ZZEF1: variants seen among roughly 807,000 people sequenced by gnomAD.
ZZEF1 encodes zinc finger ZZ-type and EF-hand domain containing 1, also known as zinc finger ZZ-type and EF-hand domain-containing protein 1.
Under a neutral mutation model 342.8 loss-of-function variants are expected in ZZEF1, and 157 were observed. That is an observed-to-expected ratio of 0.46 (90% CI 0.40 to 0.52). ZZEF1 has a LOEUF of 0.52. Ranked by LOEUF, ZZEF1 falls within the 20% of genes least tolerant of loss-of-function variation. The pLI, the probability that ZZEF1 is intolerant of heterozygous loss-of-function variation, is 0.00. For missense variants in ZZEF1, 3,480 were observed against 3,725.6 expected, an observed-to-expected ratio of 0.93 and a Z score of 1.72; for synonymous variants, 1,505 against 1,429.1, an observed-to-expected ratio of 1.05 and a Z score of -1.20.
At chr17:4,120,146 A>T (rs552075320) in intron 2 of ZZEF1, among the ~76,000 whole-genome samples, 1 of 152,198 alleles carries the variant, frequency 6.6e-6, no homozygotes, top group African/African-American at 2.4e-5. Flanking sequence ...TCACGAGGTC[A>T]GGAGTTCCAA....
At chr17:4,013,403 G>A in intron 52 of ZZEF1, 46 bp downstream of exon 52, 1 of 1,517,630 alleles carries the variant, frequency 6.6e-7, no homozygotes, top group Non-Finnish European at 8.9e-7. Flanking sequence ...CACAGAGTGG[G>A]GATACATATG....
chr17:4,047,188 C>T (rs781855), intron 37 of ZZEF1, among the ~76,000 whole-genome samples: 10,477 of 152,194 alleles, frequency 0.069, 1,189 homozygotes, highest in African/African-American at 0.24. Context: ...GGAAAAAGTC[C>T]CATTTCAATC....
Position 4,077,196 on chromosome 17 carries a change from AT to A in ZZEF1, c.2990-208del, listed in dbSNP as rs72386625. ...CAGTACAAGACTCACTTTTAAAGGG[AT>A]TTTTTTTTGTCTTTTGATGAAGTAG... On this transcript the variant is annotated intron_variant, in intron 19 of 54. Transcript: ENST00000381638. Among the ~76,000 whole-genome samples, 84 of 151,502 alleles carry A rather than the reference AT, an allele frequency of 5.5e-4. 1 individual carries two copies. In the East Asian group the frequency reaches 0.014, roughly 24 times the overall value.
At chr17:4,010,869 C>A (rs983465398) in intron 52 of ZZEF1, among the ~76,000 whole-genome samples, 5 of 152,086 alleles carry the variant, frequency 3.3e-5, no homozygotes, top group Admixed American at 6.6e-5. Context: ...AAGATGCCAC[C>A]AGCAGTTGAC....
chr17:4,051,903 G>A, intron 35 of ZZEF1, 68 bp downstream of exon 35: 1 of 1,505,280 alleles, frequency 6.6e-7, no homozygotes. Context: ...AAAAAAGAAA[G>A]AAGTCCCTTT....
chr17:4,012,013 A>C (rs1210710600), intron 52 of ZZEF1, among the ~76,000 whole-genome samples: 1 of 152,230 alleles, frequency 6.6e-6, no homozygotes, highest in Non-Finnish European at 1.5e-5. Flanking sequence ...GCATGCTGGG[A>C]GTTCCCTCCG....
At chr17:4,060,754 TCA>T (rs2057270630) in intron 30 of ZZEF1, among the ~76,000 whole-genome samples, 1 of 151,892 alleles carries the variant, frequency 6.6e-6, no homozygotes, top group African/African-American at 2.4e-5. Flanking sequence ...AAAGTAACAA[TCA>T]CATAGGAATT....
chr17:4,131,590 G>T (rs1009828594), intron 1 of ZZEF1, among the ~76,000 whole-genome samples: 3 of 151,934 alleles, frequency 2.0e-5, no homozygotes, highest in Non-Finnish European at 4.4e-5. Flanking sequence ...ACCAGTGTGA[G>T]CGATGTGGCA....
At chr17:4,140,366 G>A (rs2058823446) in intron 1 of ZZEF1, among the ~76,000 whole-genome samples, 1 of 152,152 alleles carries the variant, frequency 6.6e-6, no homozygotes, top group South Asian at 2.1e-4. Flanking sequence ...TCACCTGTGG[G>A]CTGAAATGTT....
intron 11 of ZZEF1, 83 bp from the exon 12 acceptor site, chr17:4,090,913 T>C (rs2057931074): frequency 3.9e-6 from 4 of 1,022,156 alleles, no homozygotes; most frequent in Middle Eastern, 2.0e-4. Flanking sequence ...CTAAGTGACA[T>C]GTAACTTGTA....
chr17:4,046,185 T>C (rs920273146), intron 37 of ZZEF1, among the ~76,000 whole-genome samples: 4 of 152,206 alleles, frequency 2.6e-5, no homozygotes, highest in African/African-American at 7.2e-5. Flanking sequence ...AATCCCACTT[T>C]GGCAATGAGA....
chr17:4,128,421 A>C (rs1287420753), intron 1 of ZZEF1, among the ~76,000 whole-genome samples: 1 of 149,560 alleles, frequency 6.7e-6, no homozygotes, highest in Non-Finnish European at 1.5e-5. Flanking sequence ...CTTCAAAAGG[A>C]TGATTAATAT....
chr17:4,018,558 T>C (rs2056178961), intron 46 of ZZEF1, among the ~76,000 whole-genome samples: 1 of 152,194 alleles, frequency 6.6e-6, no homozygotes, highest in African/African-American at 2.4e-5. Context: ...AAAAGGAAAC[T>C]GACACACAGA....
intron 24 of ZZEF1, among the ~76,000 whole-genome samples, 158 bp downstream of exon 24, chr17:4,073,992 G>A (rs764581921): frequency 2.0e-5 from 3 of 152,146 alleles, no homozygotes; most frequent in South Asian, 2.1e-4. Flanking sequence ...CGTGACAATG[G>A]TATTGAGTGG....
chr17:4,073,336 CAAG>C (rs1431646836), intron 24 of ZZEF1, among the ~76,000 whole-genome samples: 4 of 152,244 alleles, frequency 2.6e-5, no homozygotes, highest in Non-Finnish European at 4.4e-5. Flanking sequence ...TGGAAAAACT[CAAG>C]AAATGATCAA....
chr17:4,088,897 G>C lies in ZZEF1; in HGVS notation c.2026-4C>G, dbSNP rs1197350860. On this transcript the variant is annotated splice_polypyrimidine_tract_variant and splice_region_variant and intron_variant, in intron 12 of 54. Transcript: ENST00000381638. ...AGAGGAACTTCACCATCAAATACTG[G>C]ACAGGACAAGAGAGATTTCAATAGA... 6.2e-7 allele frequency: 1 copy of C among 1,613,640 alleles called. No homozygotes were observed. The highest frequency in any genetic ancestry group is 8.5e-7 in the Non-Finnish European group (1 of 1,179,902).
At chr17:4,050,243 T>C (rs1015389196) in intron 36 of ZZEF1, among the ~76,000 whole-genome samples, 1 of 152,222 alleles carries the variant, frequency 6.6e-6, no homozygotes, top group African/African-American at 2.4e-5. Flanking sequence ...CCATGTGCTA[T>C]CTCATACAGG....
At chr17:4,118,833 A>T (rs896958963) in intron 2 of ZZEF1, among the ~76,000 whole-genome samples, 1 of 152,182 alleles carries the variant, frequency 6.6e-6, no homozygotes, top group Non-Finnish European at 1.5e-5. Flanking sequence ...TTTATTTCAG[A>T]CTTATTTCCC....
chr17:4,009,616 C>T lies in ZZEF1; in HGVS notation c.8721G>A (p.Glu2907=), dbSNP rs776819869. The T allele has an allele frequency of 4.0e-5, 65 of 1,613,602 alleles. No individual in the cohort carries two copies. The highest frequency in any genetic ancestry group is 5.3e-5 in the Non-Finnish European group (63 of 1,180,010). Residue 2907 remains glutamate, a synonymous_variant, in exon 53 of 55, where the codon GAG becomes GAA. Transcript: ENST00000381638. The part of the protein sequence containing the change: ...RALTELFFVT[E]NRAQELGVLQ... ...CCTCAGGCCTCACCTGGGCACGGTT[C>T]TCGGTGACGAAGAAGAGCTCAGTGA...
Sources: gnomAD v4.1 joint callset for allele counts (sites outside exome capture counted in the v4.1 genomes callset) on GRCh38, gnomAD v4.1.1 for gene constraint, MANE v1.5 for transcripts, NCBI Gene and HGNC (gene_info 2026-07-23, HGNC 2026-07-21) for gene names.